The following RSL24D1 variants were observed in gnomAD, a reference collection of about 807,000 sequenced individuals.
The protein encoded by RSL24D1 is ribosomal L24 domain containing 1, also known as probable ribosome biogenesis protein RLP24.
A neutral mutation model predicts 26.2 loss-of-function variants in RSL24D1; 6 were observed. That is an observed-to-expected ratio of 0.23 (90% CI 0.13 to 0.45). The LOEUF is 0.45. Among genes scored for constraint, RSL24D1 ranks in the 20% least tolerant of loss-of-function variants. The probability of loss-of-function intolerance (pLI) is 0.99; values close to 1 mark genes in which losing one functional copy is unlikely to be tolerated. For missense variants in RSL24D1, 176 were observed against 202.6 expected, an observed-to-expected ratio of 0.87 and a Z score of 0.80; for synonymous variants, 61 against 59.1, an observed-to-expected ratio of 1.03 and a Z score of -0.15.
intron 5 of RSL24D1, among the ~76,000 whole-genome samples, chr15:55,182,639 G>C (rs117232971): frequency 6.6e-6 from 1 of 152,120 alleles, no homozygotes; most frequent in East Asian, 1.9e-4. Flanking sequence ...TTCATTTCTG[G>C]TGCTTTTTGA....
Position 55,182,165 on chromosome 15 carries a change from T to G in RSL24D1, c.479A>C (p.Glu160Ala), listed in dbSNP as rs771954608. ...VQQLQEDVDM[E>A]DAP ...TTACAGAGATTTTTAAGGAGCATCT[T>G]CCATGTCCACATCCTCTTGTAACTG... Residue 160 changes from glutamate to alanine, a missense_variant, in exon 6 of 6, where the codon GAA becomes GCA. By Grantham distance (107) the Glu-to-Ala change is moderately radical. Coordinates refer to ENST00000260443, the MANE Select transcript of RSL24D1 (RefSeq NM_016304.3). 4 of 1,604,082 alleles carry G rather than the reference T, an allele frequency of 2.5e-6. No individual in the cohort carries two copies. The highest frequency in any genetic ancestry group is 2.6e-6 in the Non-Finnish European group (3 of 1,171,412).
intron 2 of RSL24D1, among the ~76,000 whole-genome samples, chr15:55,191,474 A>G (rs1362256283): frequency 1.3e-5 from 2 of 150,842 alleles, no homozygotes; most frequent in East Asian, 3.9e-4. Context: ...AGGAGACAGA[A>G]AAAAAAAAAG....
At chr15:55,194,114 A>G (rs1310739800) in intron 1 of RSL24D1, 3 of 152,126 alleles carry the variant, frequency 2.0e-5, no homozygotes, top group South Asian at 2.1e-4. Flanking sequence ...AATAGACCCA[A>G]TGAGGAATCT....
chr15:55,189,193 CAAAAAA>C (rs11320888), intron 3 of RSL24D1, among the ~76,000 whole-genome samples: 2 of 66,520 alleles, frequency 3.0e-5, no homozygotes, highest in South Asian at 5.1e-4. Flanking sequence ...ACTCCCATCT[CAAAAAA>C]AAAAAAAAAA....
At chr15:55,185,283 T>G in intron 4 of RSL24D1, 79 bp downstream of exon 4, 1 of 1,142,932 alleles carries the variant, frequency 8.7e-7, no homozygotes, top group Non-Finnish European at 1.2e-6. Context: ...AAATAAAAAA[T>G]TTTTTTAAAA....
At chr15:55,185,299 T>C (rs889604494) in intron 4 of RSL24D1, 63 bp downstream of exon 4, 8 of 1,294,826 alleles carry the variant, frequency 6.2e-6, no homozygotes, top group Non-Finnish European at 8.5e-6. Context: ...TAAAAAATAC[T>C]AATGCCTCTA....
At chr15:55,184,711 C>T (rs1400491780) in intron 4 of RSL24D1, among the ~76,000 whole-genome samples, 1 of 152,110 alleles carries the variant, frequency 6.6e-6, no homozygotes, top group Non-Finnish European at 1.5e-5. Context: ...ACAGACATCA[C>T]CTTAATCAAG....
intron 3 of RSL24D1, among the ~76,000 whole-genome samples, chr15:55,187,812 A>C (rs955574641): frequency 1.3e-5 from 2 of 152,140 alleles, no homozygotes; most frequent in Non-Finnish European, 2.9e-5. Context: ...CAGGTGATGG[A>C]TGCACTAAAA....
chr15:55,182,318 C>T (rs1894177173), intron 5 of RSL24D1, 93 bp from the exon 6 acceptor site: 1 of 804,036 alleles, frequency 1.2e-6, no homozygotes, highest in Admixed American at 2.1e-5. Context: ...TGCATGTTTT[C>T]AAGTAATATT....
At chr15:55,188,113 T>C (rs1894243194) in intron 3 of RSL24D1, among the ~76,000 whole-genome samples, 1 of 152,294 alleles carries the variant, frequency 6.6e-6, no homozygotes, top group East Asian at 1.9e-4. Context: ...AATTTGATAA[T>C]GTAAGCAATG....
chr15:55,184,244 T>C (rs899481212), intron 4 of RSL24D1, among the ~76,000 whole-genome samples: 1 of 152,120 alleles, frequency 6.6e-6, no homozygotes, highest in Admixed American at 6.5e-5. Flanking sequence ...CTATAAAACA[T>C]GAATGCACTC....
chr15:55,196,365 AAT>A, intron 1 of RSL24D1: 1 of 458,308 alleles, frequency 2.2e-6, no homozygotes, highest in Non-Finnish European at 4.4e-6. Context: ...GCAGTAACTT[AAT>A]ACATAACTCT....
Position 55,181,765 on chromosome 15 carries a change from T to C in RSL24D1, c.*387A>G, listed in dbSNP as rs749970447. The C allele has an allele frequency of 1.0e-4, 16 of 160,046 alleles. No individual in the cohort carries two copies. Among genetic ancestry groups the C allele is most frequent in the Non-Finnish European group, 2.1e-4 (15 of 73,166 alleles). 9.9% of individuals were successfully genotyped at this position (160,046 alleles called of 1,614,324 possible). A position where few individuals can be genotyped will look rare whatever the true frequency, so the allele number is the denominator to read the frequency against. On this transcript the variant is annotated 3_prime_UTR_variant, in exon 6 of 6. Coordinates refer to ENST00000260443, the MANE Select transcript of RSL24D1 (RefSeq NM_016304.3). The stretch of plus-strand genomic sequence containing the variant: ...TAGTTCCTTTTTGTATCCCCCCTTC[T>C]ATAACATTAACAAAGGGAATATTTT...
chr15:55,187,906 T>C (rs1894240684), intron 3 of RSL24D1, among the ~76,000 whole-genome samples: 1 of 151,640 alleles, frequency 6.6e-6, no homozygotes, highest in Non-Finnish European at 1.5e-5. Context: ...TAAAAAAAAG[T>C]TCAACAAAAA....
chr15:55,182,285 C>A, intron 5 of RSL24D1, 60 bp from the exon 6 acceptor site: 1 of 1,022,648 alleles, frequency 9.8e-7, no homozygotes. Context: ...ACAGAATTCA[C>A]ACCAACACTT....
In RSL24D1 at chr15:55,182,114, T is replaced by C. The variant is rs1595650017; in HGVS notation, c.*38A>G. The C allele has an allele frequency of 5.4e-6, 7 of 1,295,542 alleles. No homozygotes were observed. In the East Asian group the frequency reaches 1.4e-4, roughly 26 times the overall value. 80.3% of individuals were successfully genotyped at this position (1,295,542 alleles called of 1,614,324 possible). A position where few individuals can be genotyped will look rare whatever the true frequency, so the allele number is the denominator to read the frequency against. On this transcript the variant is annotated 3_prime_UTR_variant, in exon 6 of 6. Coordinates refer to ENST00000260443, the MANE Select transcript of RSL24D1 (RefSeq NM_016304.3). ...AGCAGTTCCAAGTATCCAAAGGGCATTTTCAAATGTACATAAAAGAAATGG... is the reference window on the plus strand; with the variant it reads ...AGCAGTTCCAAGTATCCAAAGGGCACTTTCAAATGTACATAAAAGAAATGG...
At chr15:55,196,536 C>A in intron 1 of RSL24D1, 1 of 587,190 alleles carries the variant, frequency 1.7e-6, no homozygotes, top group Non-Finnish European at 3.1e-6. Context: ...ATCCAAGATT[C>A]CTGGTAGGCG....
At chr15:55,191,164 C>G in intron 2 of RSL24D1, 117 bp from the exon 3 acceptor site, 1 of 680,608 alleles carries the variant, frequency 1.5e-6, no homozygotes, top group South Asian at 2.0e-5. Context: ...CTAGATTCAC[C>G]CCTCAGGGTA....
At chr15:55,188,232 C>T (rs1403925673) in intron 3 of RSL24D1, among the ~76,000 whole-genome samples, 2 of 152,154 alleles carry the variant, frequency 1.3e-5, no homozygotes, top group Non-Finnish European at 2.9e-5. Context: ...TGTTCTGGAA[C>T]ACTACTGAAA....
Sources: gnomAD v4.1 joint callset for allele counts (sites outside exome capture counted in the v4.1 genomes callset) on GRCh38, gnomAD v4.1.1 for gene constraint, MANE v1.5 for transcripts, NCBI Gene and HGNC (gene_info 2026-07-23, HGNC 2026-07-21) for gene names.